The following AXDND1 variants were observed in gnomAD, a reference collection of about 807,000 sequenced individuals.
AXDND1 encodes the protein axonemal dynein light chain domain-containing protein 1.
In AXDND1, 110 loss-of-function variants were observed where a neutral mutation model predicts 137.5. The ratio of observed to expected loss-of-function variants is 0.80; its 90% CI spans 0.69 to 0.94. The LOEUF (loss-of-function observed/expected upper bound fraction) is 0.94, where lower values mean the gene tolerates loss of function less well. Ranked by LOEUF, AXDND1 falls within the 40% of genes least tolerant of loss-of-function variation. AXDND1 has a pLI of 0.00. For missense variants in AXDND1, 1,191 were observed against 1,169.8 expected (o/e 1.02, Z -0.26); for synonymous variants, 414 against 399.7 (o/e 1.04, Z -0.43).
At chr1:179,437,374 A>T (rs1468124572) in intron 15 of AXDND1, among the ~76,000 whole-genome samples, 2 of 152,156 alleles carry the variant, frequency 1.3e-5, no homozygotes, top group Non-Finnish European at 2.9e-5. Context: ...CCTTTGAACA[A>T]TAGGTGCTAG....
At chr1:179,444,912 C>T (rs1319163489) in intron 15 of AXDND1, 58 bp from the exon 16 acceptor site, 2 of 1,243,296 alleles carry the variant, frequency 1.6e-6, no homozygotes, top group Admixed American at 2.1e-5. Flanking sequence ...ATCTGGTAGA[C>T]TTTGATAAAC....
chr1:179,465,827 G>A (rs186253586), intron 16 of AXDND1, among the ~76,000 whole-genome samples: 20 of 152,230 alleles, frequency 1.3e-4, no homozygotes, highest in African/African-American at 3.6e-4. Flanking sequence ...AATGGCGGAC[G>A]CCCCTCCCCC....
chr1:179,552,857 G>A (rs1019931294), intron 25 of AXDND1, among the ~76,000 whole-genome samples: 4 of 152,184 alleles, frequency 2.6e-5, no homozygotes, highest in South Asian at 4.1e-4. Context: ...CTCCAAGGTC[G>A]ATGCCTCAAA....
intron 12 of AXDND1, among the ~76,000 whole-genome samples, chr1:179,423,883 A>G (rs919144734): frequency 1.3e-4 from 20 of 152,216 alleles, no homozygotes; most frequent in African/African-American, 4.8e-4. Flanking sequence ...TGGATTACAC[A>G]CTACAGTTAC....
intron 9 of AXDND1, among the ~76,000 whole-genome samples, chr1:179,389,693 A>G (rs953177716): frequency 1.3e-5 from 2 of 151,864 alleles, no homozygotes; most frequent in South Asian, 4.1e-4. Flanking sequence ...TTTCATCCCT[A>G]GAGTCTTCTG....
intron 25 of AXDND1, chr1:179,543,714 C>T (rs765901057): frequency 6.6e-6 from 1 of 152,110 alleles, no homozygotes; most frequent in Admixed American, 6.6e-5. Flanking sequence ...CTGTCCTGCC[C>T]CAGGACCCAG....
chr1:179,369,858 C>T (rs1667857526), intron 3 of AXDND1, 117 bp from the exon 4 acceptor site: 9 of 625,088 alleles, frequency 1.4e-5, no homozygotes, highest in African/African-American at 3.7e-5. Context: ...TCTCTTTTTT[C>T]CTTAGAGTAC....
chr1:179,418,820 C>G (rs1470983005), intron 12 of AXDND1, among the ~76,000 whole-genome samples: 1 of 151,178 alleles, frequency 6.6e-6, no homozygotes, highest in Non-Finnish European at 1.5e-5. Context: ...ACTTCTCAGA[C>G]GGGGCGGCTG....
intron 11 of AXDND1, among the ~76,000 whole-genome samples, chr1:179,396,883 T>C (rs1393288871): frequency 6.6e-6 from 1 of 152,326 alleles, no homozygotes; most frequent in South Asian, 2.1e-4. Flanking sequence ...TGTCATTGCA[T>C]GTGAGATGAG....
intron 14 of AXDND1, 135 bp downstream of exon 14, chr1:179,430,741 C>A: frequency 1.1e-6 from 1 of 880,470 alleles, no homozygotes; most frequent in Non-Finnish European, 1.7e-6. Flanking sequence ...CCTATGAAGG[C>A]ACAATCCTGC....
At chr1:179,458,866 T>TA (rs34485169) in intron 16 of AXDND1, among the ~76,000 whole-genome samples, 34,916 of 151,556 alleles carry the variant, frequency 0.23, 4,333 homozygotes, top group East Asian at 0.35. Context: ...CATTTTTATT[T>TA]TTTTTTTGGT....
chr1:179,525,570 C>G, intron 22 of AXDND1, 123 bp downstream of exon 22: 1 of 1,183,014 alleles, frequency 8.5e-7, no homozygotes, highest in Non-Finnish European at 1.1e-6. Flanking sequence ...CATCATAGCT[C>G]ACTGTAACCT....
intron 12 of AXDND1, among the ~76,000 whole-genome samples, chr1:179,425,643 A>C (rs1367992544): frequency 6.6e-6 from 1 of 151,998 alleles, no homozygotes; most frequent in African/African-American, 2.4e-5. Context: ...TCTTGATCTC[A>C]CTTTTTCCAG....
At chr1:179,399,028 G>A (rs1251473837) in intron 11 of AXDND1, among the ~76,000 whole-genome samples, 1 of 152,216 alleles carries the variant, frequency 6.6e-6, no homozygotes, top group East Asian at 1.9e-4. Flanking sequence ...GGGCCTGGGG[G>A]AAGCTGCAGT....
chr1:179,453,703 G>A (rs1660870479), intron 16 of AXDND1: 1 of 151,762 alleles, frequency 6.6e-6, no homozygotes, highest in African/African-American at 2.4e-5. Context: ...AGGAGGCCGA[G>A]GCAGGAGAGT....
At chr1:179,486,232 C>CA (rs1666063071) in intron 18 of AXDND1, among the ~76,000 whole-genome samples, 1 of 151,186 alleles carries the variant, frequency 6.6e-6, no homozygotes, top group Non-Finnish European at 1.5e-5. Context: ...AAAAAAATCT[C>CA]AGAGTTTGAA....
At chr1:179,544,124 A>G (rs1672423317) in intron 25 of AXDND1, 1 of 152,550 alleles carries the variant, frequency 6.6e-6, no homozygotes, top group African/African-American at 2.4e-5. Context: ...CCTTTGTAAC[A>G]GCCACTAGAA....
intron 20 of AXDND1, chr1:179,506,752 T>A: frequency 3.7e-6 from 2 of 544,418 alleles, no homozygotes; most frequent in Non-Finnish European, 4.7e-6. Flanking sequence ...CAAAACTTCC[T>A]CTATGCCATT....
At chr1:179,506,907 C>CA (rs1327259402) in intron 20 of AXDND1, 12 of 985,210 alleles carry the variant, frequency 1.2e-5, no homozygotes, top group Non-Finnish European at 1.4e-5. Flanking sequence ...AGGAATCTTA[C>CA]TCTCAAGATG....
Sources: gnomAD v4.1 joint callset for allele counts (sites outside exome capture counted in the v4.1 genomes callset) on GRCh38, gnomAD v4.1.1 for gene constraint, MANE v1.5 for transcripts, NCBI Gene and HGNC (gene_info 2026-07-23, HGNC 2026-07-21) for gene names.